PPP2R5C: variants seen among roughly 807,000 people sequenced by gnomAD.
PPP2R5C encodes the protein serine/threonine-protein phosphatase 2A 56 kDa regulatory subunit gamma isoform.
In PPP2R5C, 7 loss-of-function variants were observed where a neutral mutation model predicts 68.9. The ratio of observed to expected loss-of-function variants is 0.10; its 90% CI spans 0.06 to 0.19. The LOEUF (loss-of-function observed/expected upper bound fraction) is 0.19, where lower values mean the gene tolerates loss of function less well. PPP2R5C is among the 10% of genes least tolerant of loss of function. The probability of loss-of-function intolerance (pLI) is 1.00; values close to 1 mark genes in which losing one functional copy is unlikely to be tolerated. For synonymous variants in PPP2R5C, 210 were observed against 222.2 expected, an observed-to-expected ratio of 0.95 and a Z score of 0.49; for missense variants, 348 against 641.3, an observed-to-expected ratio of 0.54 and a Z score of 4.94.
At chr14:101,766,813 T>G (rs1363717239) in intron 2 of PPP2R5C, 1 of 152,252 alleles carries the variant, frequency 6.6e-6, no homozygotes, top group Non-Finnish European at 1.5e-5. Context: ...CTGTTCTCAG[T>G]GTAACCTTCA....
intron 1 of PPP2R5C, among the ~76,000 whole-genome samples, chr14:101,822,973 T>TA (rs1350487595): frequency 6.6e-6 from 1 of 152,212 alleles, no homozygotes; most frequent in East Asian, 1.9e-4. Context: ...AGTTCAGTCT[T>TA]ATAGCCTTGT....
At chr14:101,846,385 G>T (rs191484579) in intron 1 of PPP2R5C, among the ~76,000 whole-genome samples, 354 of 152,300 alleles carry the variant, frequency 2.3e-3, no homozygotes, top group African/African-American at 7.8e-3. Flanking sequence ...GATGTAACTT[G>T]ATTTTAGAGA....
At chr14:101,849,423 G>T (rs531006967) in intron 1 of PPP2R5C, among the ~76,000 whole-genome samples, 78 of 152,326 alleles carry the variant, frequency 5.1e-4, no homozygotes, top group African/African-American at 1.9e-3. Flanking sequence ...TTCTCTGGTG[G>T]TTATTAATGA....
chr14:101,876,533 G>A (rs557067650), intron 2 of PPP2R5C, among the ~76,000 whole-genome samples: 3 of 152,092 alleles, frequency 2.0e-5, no homozygotes, highest in Non-Finnish European at 2.9e-5. Flanking sequence ...ATACAGAAAG[G>A]CTGCATGATA....
chr14:101,918,012 T>C, intron 13 of PPP2R5C, 65 bp downstream of exon 15: 1 of 1,607,136 alleles, frequency 6.2e-7, no homozygotes, highest in Non-Finnish European at 8.5e-7. Context: ...CACATTTTTG[T>C]AGGCGATGTG....
At chr14:101,844,709 A>T (rs1168437357) in intron 1 of PPP2R5C, among the ~76,000 whole-genome samples, 1 of 152,214 alleles carries the variant, frequency 6.6e-6, no homozygotes, top group Non-Finnish European at 1.5e-5. Flanking sequence ...ACACCTCTAC[A>T]CTGCTTTGTC....
chr14:101,800,382 C>A (rs1595194681), intron 3 of PPP2R5C, among the ~76,000 whole-genome samples: 1 of 152,006 alleles, frequency 6.6e-6, no homozygotes. Flanking sequence ...GGCAACAAGG[C>A]GAAACCCCGT....
chr14:101,827,579 G>A (rs550891542), intron 1 of PPP2R5C, among the ~76,000 whole-genome samples: 17 of 152,302 alleles, frequency 1.1e-4, no homozygotes, highest in Non-Finnish European at 2.1e-4. Flanking sequence ...GCTTTCTCTC[G>A]CGAAGCTTCT....
At chr14:101,789,643 T>A (rs1450565239) in intron 3 of PPP2R5C, 2 of 152,264 alleles carry the variant, frequency 1.3e-5, no homozygotes, top group Non-Finnish European at 2.9e-5. Context: ...TCTGTAGTTT[T>A]GTTCTTTTTC....
intron 2 of PPP2R5C, among the ~76,000 whole-genome samples, chr14:101,763,254 TTG>T (rs201047386): frequency 6.6e-6 from 1 of 151,988 alleles, no homozygotes; most frequent in East Asian, 1.9e-4. Context: ...GGGTCTCACT[TTG>T]TCACGCAGGC....
chr14:101,809,552 CTTTTTT>C (rs5811049), upstream of PPP2R5C, among the ~76,000 whole-genome samples: 273 of 92,900 alleles, frequency 2.9e-3, no homozygotes, highest in African/African-American at 0.012. Flanking sequence ...TATACACACA[CTTTTTT>C]TTTTTTTTTT....
At chr14:101,871,220 T>G (rs8004141) in intron 2 of PPP2R5C, among the ~76,000 whole-genome samples, 23 of 149,514 alleles carry the variant, frequency 1.5e-4, no homozygotes, top group Non-Finnish European at 2.7e-4. Context: ...TTTTTTTTTG[T>G]TTTGGTTTTT....
intron 2 of PPP2R5C, among the ~76,000 whole-genome samples, chr14:101,777,978 C>T (rs1488143223): frequency 6.6e-6 from 1 of 152,046 alleles, no homozygotes; most frequent in African/African-American, 2.4e-5. Context: ...CTATATTGCC[C>T]AGACTGGTCT....
At chr14:101,844,767 TGAAAA>T (rs1420280614) in intron 1 of PPP2R5C, among the ~76,000 whole-genome samples, 1 of 152,226 alleles carries the variant, frequency 6.6e-6, no homozygotes, top group Non-Finnish European at 1.5e-5. Flanking sequence ...AAGATGGAAT[TGAAAA>T]GAACTTATTA....
At chr14:101,911,645 G>A (rs1264132903) in intron 11 of PPP2R5C, among the ~76,000 whole-genome samples, 1 of 152,134 alleles carries the variant, frequency 6.6e-6, no homozygotes, top group Non-Finnish European at 1.5e-5. Flanking sequence ...CACTTTGGGA[G>A]GTTATGGCTG....
chr14:101,894,444 A>G, intron 7 of PPP2R5C, 63 bp from the exon 10 acceptor site: 1 of 1,499,590 alleles, frequency 6.7e-7, no homozygotes, highest in Non-Finnish European at 9.3e-7. Context: ...CGATGATTCT[A>G]GAAGAAGCAC....
At chr14:101,779,674 C>T (rs1189598335) in intron 2 of PPP2R5C, among the ~76,000 whole-genome samples, 1 of 152,052 alleles carries the variant, frequency 6.6e-6, no homozygotes, top group African/African-American at 2.4e-5. Flanking sequence ...AGCTCAAACC[C>T]CATGCTACGG....
intron 1 of PPP2R5C, among the ~76,000 whole-genome samples, chr14:101,840,482 CAAAAAAAAAA>C (rs10611025): frequency 1.9e-5 from 1 of 51,866 alleles, no homozygotes; most frequent in Non-Finnish European, 3.4e-5. Context: ...CCCCCACCAC[CAAAAAAAAAA>C]AAAAAAAAAA....
intron 2 of PPP2R5C, among the ~76,000 whole-genome samples, chr14:101,878,414 C>T (rs996710886): frequency 1.3e-5 from 2 of 152,194 alleles, no homozygotes; most frequent in African/African-American, 2.4e-5. Context: ...GTGTTTGAGA[C>T]GGGGCCTAGC....
Sources: gnomAD v4.1 joint callset for allele counts (sites outside exome capture counted in the v4.1 genomes callset) on GRCh38, gnomAD v4.1.1 for gene constraint, MANE v1.5 for transcripts, NCBI Gene and HGNC (gene_info 2026-07-23, HGNC 2026-07-21) for gene names.